Variants in MAD1L1 observed in about 807,000 individuals in gnomAD.
MAD1L1 encodes the protein mitotic arrest deficient 1 like 1, also known as mitotic spindle assembly checkpoint protein MAD1.
In MAD1L1, 95 loss-of-function variants were observed where a neutral mutation model predicts 96.9. That is an observed-to-expected ratio of 0.98 (90% CI 0.83 to 1.16). The LOEUF (loss-of-function observed/expected upper bound fraction) is 1.16. Ranked by LOEUF, MAD1L1 falls within the 50% of genes most tolerant of loss-of-function variation. The probability of loss-of-function intolerance (pLI) is 0.00; values close to 1 mark genes in which losing one functional copy is unlikely to be tolerated. For missense variants in MAD1L1, 1,007 were observed against 954.4 expected (o/e 1.06, Z -0.73); for synonymous variants, 473 against 396.6 (o/e 1.19, Z -2.29).
chr7:1,940,292 C>T (rs909954380), intron 16 of MAD1L1: 4 of 152,262 alleles, frequency 2.6e-5, no homozygotes, highest in Non-Finnish European at 4.4e-5. Context: ...ATCCGCGCAG[C>T]TCTTCACAGG....
intron 18 of MAD1L1, among the ~76,000 whole-genome samples, chr7:1,873,380 G>A (rs1202137802): frequency 6.6e-6 from 1 of 152,048 alleles, no homozygotes. Flanking sequence ...GCAGGGCTCT[G>A]GGAGGAGGTT....
At chr7:2,172,903 G>A (rs888447430) in intron 10 of MAD1L1, among the ~76,000 whole-genome samples, 5 of 152,250 alleles carry the variant, frequency 3.3e-5, no homozygotes, top group Non-Finnish European at 5.9e-5. Flanking sequence ...ACCGCGGTCT[G>A]TGCGCACAGA....
At chr7:1,903,539 G>A (rs1280635329) in intron 17 of MAD1L1, among the ~76,000 whole-genome samples, 2 of 145,810 alleles carry the variant, frequency 1.4e-5, no homozygotes, top group Admixed American at 1.3e-4. Context: ...GCCTATGGAA[G>A]ACGCTCTTGC....
intron 16 of MAD1L1, among the ~76,000 whole-genome samples, chr7:1,957,106 G>A (rs907706700): frequency 6.6e-6 from 1 of 152,248 alleles, no homozygotes; most frequent in Admixed American, 6.5e-5. Context: ...GCTGAGGACA[G>A]GCCAGCGCGG....
chr7:2,143,651 A>T (rs1789153376), intron 11 of MAD1L1, among the ~76,000 whole-genome samples: 1 of 152,012 alleles, frequency 6.6e-6, no homozygotes, highest in Non-Finnish European at 1.5e-5. Context: ...GCAGTAGATG[A>T]AACAGGCCAG....
Position 1,922,182 on chromosome 7 carries a change from C to T in MAD1L1, c.1807+14505G>A, listed in dbSNP as rs140344356. Reference sequence around the variant, plus strand: ...AGAACCACTAGCATCACCAGCCCAGCGGCGAGCGCCCTGCTTCCAGCTGCG... The same window carrying T: ...AGAACCACTAGCATCACCAGCCCAGTGGCGAGCGCCCTGCTTCCAGCTGCG... On this transcript the variant is annotated intron_variant, in intron 17 of 18. Coordinates refer to ENST00000265854, the MANE Select transcript of MAD1L1 (RefSeq NM_001013836.2). Among the ~76,000 whole-genome samples the T allele has an allele frequency of 1.5e-3, 234 of 152,340 alleles. 3 individuals are homozygous for T. The highest frequency in any genetic ancestry group is 4.9e-3 in the African/African-American group (203 of 41,572).
intron 14 of MAD1L1, among the ~76,000 whole-genome samples, chr7:1,989,815 C>T (rs1781326697): frequency 6.6e-6 from 1 of 152,228 alleles, no homozygotes; most frequent in Non-Finnish European, 1.5e-5. Flanking sequence ...TGTTCCTCTG[C>T]CTACAAGGTC....
At chr7:1,934,426 C>G (rs756639935) in intron 17 of MAD1L1, among the ~76,000 whole-genome samples, 2 of 149,022 alleles carry the variant, frequency 1.3e-5, no homozygotes, top group Admixed American at 6.6e-5. Context: ...AAGGAACAGA[C>G]GGGAGAACCC....
At position 1,900,058 on chromosome 7, in the gene MAD1L1, G is replaced by C. The variant is rs560291400; in HGVS notation, c.1808-1668C>G. 5.9e-5 allele frequency among the ~76,000 whole-genome samples: 9 copies of C among 152,316 alleles called. No individual in the cohort carries two copies. The South Asian group carries it at 1.9e-3, about 32-fold the overall frequency. On this transcript the variant is annotated intron_variant, in intron 17 of 18. Coordinates refer to ENST00000265854, the MANE Select transcript of MAD1L1 (RefSeq NM_001013836.2). Reference sequence around the variant, plus strand: ...GAGGTGTTAGGCCAGATCACGTGCCGGAGGCCACCGCCGAGAGCGCAGGGC... The same window carrying C: ...GAGGTGTTAGGCCAGATCACGTGCCCGAGGCCACCGCCGAGAGCGCAGGGC...
At chr7:2,122,917 C>A (rs567638075) in intron 11 of MAD1L1, among the ~76,000 whole-genome samples, 1 of 152,226 alleles carries the variant, frequency 6.6e-6, no homozygotes, top group Non-Finnish European at 1.5e-5. Context: ...TGAGCTTCCC[C>A]GTCACCGTCT....
At chr7:1,910,290 G>T (rs1348954584) in intron 17 of MAD1L1, among the ~76,000 whole-genome samples, 1 of 152,198 alleles carries the variant, frequency 6.6e-6, no homozygotes, top group Non-Finnish European at 1.5e-5. Flanking sequence ...TGATCCTCCG[G>T]ACACCCTGCA....
chr7:1,858,921 T>C (rs1394816452), intron 18 of MAD1L1, among the ~76,000 whole-genome samples: 1 of 152,180 alleles, frequency 6.6e-6, no homozygotes, highest in African/African-American at 2.4e-5. Context: ...GGTCATGACT[T>C]GCAACCCACC....
At chr7:2,140,061 A>G (rs1197182405) in intron 11 of MAD1L1, among the ~76,000 whole-genome samples, 1 of 151,398 alleles carries the variant, frequency 6.6e-6, no homozygotes, top group Non-Finnish European at 1.5e-5. Context: ...AGGCTTCCAA[A>G]GCCCTCAACT....
At chr7:1,889,614 G>T (rs1250590592) in intron 18 of MAD1L1, among the ~76,000 whole-genome samples, 2 of 152,200 alleles carry the variant, frequency 1.3e-5, no homozygotes, top group African/African-American at 4.8e-5. Context: ...GATGCTTCAC[G>T]GAGGCAACAG....
intron 16 of MAD1L1, among the ~76,000 whole-genome samples, chr7:1,937,653 C>T (rs1258471936): frequency 1.3e-5 from 2 of 150,418 alleles, no homozygotes; most frequent in Non-Finnish European, 3.0e-5. Context: ...GGTCACTGCG[C>T]ACCCGAGACC....
chr7:1,889,118 C>T (rs528876336), intron 18 of MAD1L1, among the ~76,000 whole-genome samples: 1 of 152,310 alleles, frequency 6.6e-6, no homozygotes, highest in African/African-American at 2.4e-5. Context: ...TGGGCAGATG[C>T]GATGATCCTG....
In MAD1L1 at chr7:1,945,236, G is replaced by A. The variant is rs566034911; in HGVS notation, c.1597-8339C>T. On this transcript the variant is annotated intron_variant, in intron 16 of 18. Coordinates refer to ENST00000265854, the MANE Select transcript of MAD1L1 (RefSeq NM_001013836.2). ...AGCCTAAACACTCATCTCAGTAGGC[G>A]TCCTCCACGCCAGAAGTCCAGCTCC... 1.2e-4 allele frequency among the ~76,000 whole-genome samples: 19 copies of A among 152,340 alleles called. No individual in the cohort carries two copies. In the South Asian group the frequency reaches 2.9e-3, roughly 23 times the overall value.
At chr7:2,026,478 A>G (rs184298987) in intron 12 of MAD1L1, among the ~76,000 whole-genome samples, 2 of 152,236 alleles carry the variant, frequency 1.3e-5, no homozygotes, top group South Asian at 2.1e-4. Context: ...ACTGCACTCA[A>G]CAATTGCAGA....
intron 10 of MAD1L1, among the ~76,000 whole-genome samples, chr7:2,201,275 G>A (rs1456459698): frequency 2.2e-5 from 3 of 136,706 alleles, no homozygotes; most frequent in Non-Finnish European, 5.0e-5. Flanking sequence ...TCTGGCCCTC[G>A]GCTGGCGCTG....
Sources: allele counts gnomAD v4.1 joint callset (sites outside exome capture counted in the v4.1 genomes callset), GRCh38; gene constraint gnomAD v4.1.1; transcripts MANE v1.5; gene names NCBI Gene and HGNC (gene_info 2026-07-23, HGNC 2026-07-21).